The following AGO1 variants were observed in gnomAD, a reference collection of about 807,000 sequenced individuals.
The protein encoded by AGO1 is argonaute RISC component 1, also known as protein argonaute-1.
A neutral mutation model predicts 109.2 loss-of-function variants in AGO1; 11 were observed. That is an observed-to-expected ratio of 0.10 (90% CI 0.06 to 0.17). AGO1 has a LOEUF of 0.17. Among genes scored for constraint, AGO1 ranks in the 10% least tolerant of loss-of-function variants. AGO1 has a pLI of 1.00. For synonymous variants in AGO1, 422 were observed against 418.6 expected, an observed-to-expected ratio of 1.01 and a Z score of -0.10; for missense variants, 574 against 1,140.3, an observed-to-expected ratio of 0.50 and a Z score of 7.15.
At chr1:35,910,661 T>C (rs1012700199) in intron 12 of AGO1, among the ~76,000 whole-genome samples, 13 of 152,242 alleles carry the variant, frequency 8.5e-5, no homozygotes, top group African/African-American at 2.9e-4. Context: ...TCATGCAACA[T>C]AAAGTTGTGG....
rs1645982028 is a variant in AGO1, at chr1:35,928,886, G to A, written c.*9279G>A. On this transcript the variant is annotated 3_prime_UTR_variant, in exon 19 of 19. Transcript: ENST00000373204. ...AGCGCACTGATTTCTCTGCACCTGAGATTTTGTACTATTTCTGTATTTCTT... is the reference window on the plus strand; with the variant it reads ...AGCGCACTGATTTCTCTGCACCTGAAATTTTGTACTATTTCTGTATTTCTT... 2 of 152,184 alleles carry A rather than the reference G, an allele frequency of 1.3e-5. No homozygotes were observed. The highest frequency in any genetic ancestry group is 4.8e-5 in the African/African-American group (2 of 41,434). The allele number at this position is 152,184 out of a possible 1,614,324, so 9.4% of individuals were successfully genotyped here. A position where few individuals can be genotyped will look rare whatever the true frequency, so the allele number is the denominator to read the frequency against.
intron 11 of AGO1, among the ~76,000 whole-genome samples, chr1:35,904,694 G>C (rs944258653): frequency 1.3e-5 from 2 of 152,188 alleles, no homozygotes; most frequent in Non-Finnish European, 1.5e-5. Context: ...GTCAGTAGTA[G>C]CCAGTTAAAT....
chr1:35,895,403 A>G (rs1645300469), intron 8 of AGO1, 134 bp downstream of exon 8: 4 of 982,596 alleles, frequency 4.1e-6, no homozygotes, highest in South Asian at 1.8e-5. Flanking sequence ...CTCCTGTGAA[A>G]TAGAGGCCTC....
rs902781290 is a variant in AGO1 at position 35,883,903 on chromosome 1, C to T, written c.25+457C>T. On this transcript the variant is annotated intron_variant, in intron 1 of 18. Coordinates refer to ENST00000373204, the MANE Select transcript of AGO1 (RefSeq NM_012199.5). This position sits in a 1 kb window ranked among gnomAD's most constrained non-coding sequence, Gnocchi z 5.4. ...GGCGCCAGAGCTGGACTGTGAGCTCCGCCCCACTGGGCCTGACGCGAGGGC... is the reference window on the plus strand; with the variant it reads ...GGCGCCAGAGCTGGACTGTGAGCTCTGCCCCACTGGGCCTGACGCGAGGGC... Among the ~76,000 whole-genome samples, 2 of 152,212 alleles carry T rather than the reference C, an allele frequency of 1.3e-5. No individual in the cohort carries two copies. The highest frequency in any genetic ancestry group is 2.9e-5 in the Non-Finnish European group (2 of 68,026).
rs1384049222 is a variant in AGO1, at chr1:35,919,436, C to T, written c.2466-63C>T. 9.2e-6 allele frequency: 14 copies of T among 1,523,272 alleles called. No individual in the cohort carries two copies. Among genetic ancestry groups the T allele is most frequent in the Middle Eastern group, 3.4e-4 (2 of 5,910 alleles). 94.4% of individuals were successfully genotyped at this position (1,523,272 alleles called of 1,614,324 possible). A position where few individuals can be genotyped will look rare whatever the true frequency, so the allele number is the denominator to read the frequency against. On this transcript the variant is annotated intron_variant, in intron 18 of 18. Coordinates refer to ENST00000373204, the MANE Select transcript of AGO1 (RefSeq NM_012199.5). The surrounding 1 kb of genome is among the most constrained non-coding windows in gnomAD (Gnocchi z 6.6). ...TGGGAATTGGCATCCCAGGGCTGGG[C>T]GAGGGAATTAGCAGCAGCTCTCAGT... is the stretch of plus-strand genomic sequence containing the variant.
At chr1:35,891,275 G>T (rs1645213396) in intron 2 of AGO1, among the ~76,000 whole-genome samples, 1 of 152,228 alleles carries the variant, frequency 6.6e-6, no homozygotes, top group Non-Finnish European at 1.5e-5. Context: ...GTGAAGGTCA[G>T]TTGGTCAGAT....
rs1444946561 is a variant in AGO1 at position 35,903,059 on chromosome 1, G to A, written c.1397+722G>A. ...CTTGCTCTGTCACCCATGCTGGAGTGCAGTGGCACGATCTTGGCTCACTGC... is the reference window on the plus strand; with the variant it reads ...CTTGCTCTGTCACCCATGCTGGAGTACAGTGGCACGATCTTGGCTCACTGC... On this transcript the variant is annotated intron_variant, in intron 11 of 18. Transcript: ENST00000373204. Among the ~76,000 whole-genome samples, 6 of 144,746 alleles carry A rather than the reference G, an allele frequency of 4.1e-5. No homozygotes were observed. In the East Asian group the frequency reaches 1.2e-3, roughly 29 times the overall value. 95.0% of individuals were successfully genotyped at this position (144,746 alleles called of 152,430 possible). A position where few individuals can be genotyped will look rare whatever the true frequency, so the allele number is the denominator to read the frequency against.
chr1:35,881,338 G>T (rs1470724140), upstream of AGO1, among the ~76,000 whole-genome samples: 2 of 150,148 alleles, frequency 1.3e-5, no homozygotes, highest in Non-Finnish European at 3.0e-5. Context: ...GTTTTTTTTT[G>T]AGACGGAGTT....
In AGO1 at chr1:35,901,615, C is replaced by T. The variant is rs747752670; in HGVS notation, c.1140+22C>T. 11 of 1,613,872 alleles carry T rather than the reference C, an allele frequency of 6.8e-6. No homozygotes were observed. In the Admixed American group the frequency reaches 1.0e-4, roughly 15 times the overall value. ...CCTGGTCAGTGGGCCTACTCATTTG[C>T]TCAGTCATTGGGGCCATTGGTAGCA... On this transcript the variant is annotated intron_variant, in intron 9 of 18. Coordinates refer to ENST00000373204, the MANE Select transcript of AGO1 (RefSeq NM_012199.5). This position sits in a 1 kb window ranked among gnomAD's most constrained non-coding sequence, Gnocchi z 4.8.
Position 35,894,129 on chromosome 1 carries a change from C to T in AGO1, c.742C>T (p.Leu248Phe). ...GAACATAGATGAGCAGCCCAAGCCC[C>T]TCACGGACTCTCAGCGCGTTCGCTT... is the stretch of plus-strand genomic sequence containing the variant. Reference protein sequence around the residue: ...IRNIDEQPKPLTDSQRVRFTK... With the variant: ...IRNIDEQPKPFTDSQRVRFTK... Residue 248 changes from leucine (L) to phenylalanine (F), a missense_variant, in exon 6 of 19, where the codon CTC (leucine) becomes TTC (phenylalanine). This residue lies in a region of AGO1 where 129 missense variants were observed against 243.0 expected (regional missense o/e 0.53). Coordinates refer to ENST00000373204, the MANE Select transcript of AGO1 (RefSeq NM_012199.5). The T allele has an allele frequency of 6.3e-7, 1 of 1,585,524 alleles. No homozygotes were observed. Among genetic ancestry groups the T allele is most frequent in the South Asian group, 1.2e-5 (1 of 86,352 alleles).
At position 35,888,332 on chromosome 1, in the gene AGO1, C is replaced by A; in HGVS notation, c.26-95C>A. 1.5e-6 allele frequency: 2 copies of A among 1,324,170 alleles called. No homozygotes were observed. Among genetic ancestry groups the A allele is most frequent in the Admixed American group, 2.0e-5 (1 of 51,188 alleles). The allele number at this position is 1,324,170 out of a possible 1,614,324, so 82.0% of individuals were successfully genotyped here. A position where few individuals can be genotyped will look rare whatever the true frequency, so the allele number is the denominator to read the frequency against. The stretch of plus-strand genomic sequence containing the variant: ...GCAGGAAAGAGGCATTCTCTATACT[C>A]TCGTGTTCCTGTTCTGGGAGGCCTT... On this transcript the variant is annotated intron_variant, in intron 1 of 18. Transcript: ENST00000373204. The surrounding 1 kb of genome is among the most constrained non-coding windows in gnomAD (Gnocchi z 4.1).
chr1:35,902,420 T>C lies in AGO1; in HGVS notation c.1397+83T>C, dbSNP rs555317819. 5.7e-5 allele frequency: 88 copies of C among 1,543,846 alleles called. 2 individuals carry two copies. The African/African-American group carries it at 9.3e-4, about 16-fold the overall frequency. On this transcript the variant is annotated intron_variant, in intron 11 of 18. Coordinates refer to ENST00000373204, the MANE Select transcript of AGO1 (RefSeq NM_012199.5). ...TTCCTGTAGTCCACAGGGGCTGATATTGATCAGTAATGTGTTCTGTCTTGA... is the reference window on the plus strand; with the variant it reads ...TTCCTGTAGTCCACAGGGGCTGATACTGATCAGTAATGTGTTCTGTCTTGA...
chr1:35,884,862 G>A (rs1645093684), intron 1 of AGO1, among the ~76,000 whole-genome samples: 2 of 152,254 alleles, frequency 1.3e-5, no homozygotes. Flanking sequence ...GCCTGGACCT[G>A]GGAATCCTTC....
intron 8 of AGO1, among the ~76,000 whole-genome samples, chr1:35,895,578 G>C (rs1271973978): frequency 6.6e-6 from 1 of 152,166 alleles, no homozygotes; most frequent in African/African-American, 2.4e-5. Flanking sequence ...CTCTTCCCCT[G>C]TTGTTTAGAG....
At chr1:35,883,184 C>T (rs1557600335), upstream of AGO1, 2 of 1,161,630 alleles carry the variant, frequency 1.7e-6, no homozygotes, top group African/African-American at 1.6e-5. This position sits in a 1 kb window ranked among gnomAD's most constrained non-coding sequence, Gnocchi z 5.4. Flanking sequence ...GGTCCGCCCC[C>T]TGGGCCCGGC....
At chr1:35,913,765 C>A in intron 12 of AGO1, 77 bp from the exon 13 acceptor site, 1 of 1,485,164 alleles carries the variant, frequency 6.7e-7, no homozygotes, top group South Asian at 1.2e-5. Context: ...CCTAGCACCT[C>A]ATACACTGCC....
chr1:35,880,388 A>G (rs966137770), upstream of AGO1, among the ~76,000 whole-genome samples: 1 of 152,046 alleles, frequency 6.6e-6, no homozygotes, highest in African/African-American at 2.4e-5. Context: ...TCATCTCTAC[A>G]ATAAGTAAGT....
chr1:35,871,581 G>T (rs796930233), intron 1 of AGO1, among the ~76,000 whole-genome samples: 9 of 125,166 alleles, frequency 7.2e-5, no homozygotes, highest in African/African-American at 3.5e-4. Flanking sequence ...TTAAAAACAT[G>T]ATTTTTAGTC....
chr1:35,905,007 T>C (rs1308028935), intron 11 of AGO1, among the ~76,000 whole-genome samples: 2 of 152,158 alleles, frequency 1.3e-5, no homozygotes, highest in Non-Finnish European at 2.9e-5. Flanking sequence ...TTTTTCTGGC[T>C]AAAGAGGCCC....
Sources: allele counts gnomAD v4.1 joint callset (sites outside exome capture counted in the v4.1 genomes callset), GRCh38; gene constraint gnomAD v4.1.1; regional missense constraint gnomAD v4.1.1; non-coding constraint Gnocchi (gnomAD v3.1); transcripts MANE v1.5; gene names NCBI Gene and HGNC (gene_info 2026-07-23, HGNC 2026-07-21).